Variants in DDX10 observed in about 807,000 individuals in gnomAD.
The protein encoded by DDX10 is DEAD-box helicase 10, also known as probable ATP-dependent RNA helicase DDX10.
In DDX10, 74 loss-of-function variants were observed where a neutral mutation model predicts 104.3. The ratio of observed to expected loss-of-function variants is 0.71; its 90% CI spans 0.59 to 0.86. The LOEUF (loss-of-function observed/expected upper bound fraction) is 0.86, where lower values mean the gene tolerates loss of function less well. DDX10 is among the 40% of genes least tolerant of loss of function. The pLI is 0.00. For synonymous variants in DDX10, 351 were observed against 353.4 expected (o/e 0.99, Z 0.08); for missense variants, 952 against 1,040.0 (o/e 0.92, Z 1.16).
chr11:108,725,127 A>G (rs1028235276), intron 13 of DDX10, among the ~76,000 whole-genome samples: 1 of 152,058 alleles, frequency 6.6e-6, no homozygotes, highest in African/African-American at 2.4e-5. Context: ...TCTTTCATTT[A>G]GCTTAACGTT....
chr11:108,861,131 C>T (rs1032570069), intron 16 of DDX10, among the ~76,000 whole-genome samples: 8 of 150,898 alleles, frequency 5.3e-5, no homozygotes. Context: ...GCAATCTAAT[C>T]AGCTGCCAGC....
intron 13 of DDX10, among the ~76,000 whole-genome samples, chr11:108,771,086 A>ATT (rs1005167078): frequency 2.0e-5 from 3 of 151,956 alleles, no homozygotes; most frequent in African/African-American, 7.3e-5. Context: ...TTTGATTTGT[A>ATT]TTTCTCTGAT....
chr11:108,756,408 C>T (rs1385345811), intron 13 of DDX10, among the ~76,000 whole-genome samples: 1 of 151,974 alleles, frequency 6.6e-6, no homozygotes, highest in Non-Finnish European at 1.5e-5. Flanking sequence ...TTATAGTTGC[C>T]TAGAGAATAA....
intron 13 of DDX10, among the ~76,000 whole-genome samples, chr11:108,802,916 A>G (rs1395607775): frequency 6.6e-6 from 1 of 152,088 alleles, no homozygotes; most frequent in African/African-American, 2.4e-5. Context: ...ACTCTTAAGA[A>G]CTATCAGTCC....
At chr11:108,768,867 C>T (rs1274288137) in intron 13 of DDX10, among the ~76,000 whole-genome samples, 1 of 151,590 alleles carries the variant, frequency 6.6e-6, no homozygotes, top group East Asian at 1.9e-4. Flanking sequence ...TTAAAAATAC[C>T]ATATTTTAGT....
chr11:108,816,089 C>T (rs956309215), intron 13 of DDX10, among the ~76,000 whole-genome samples: 15 of 151,988 alleles, frequency 9.9e-5, no homozygotes, highest in South Asian at 6.2e-4. Flanking sequence ...TAGCTTTTGG[C>T]ATGCCATACT....
At chr11:108,894,346 T>G (rs922041188) in intron 16 of DDX10, among the ~76,000 whole-genome samples, 5 of 152,034 alleles carry the variant, frequency 3.3e-5, no homozygotes, top group Admixed American at 6.6e-5. Flanking sequence ...ACTAAAACGT[T>G]CATCCTTTCT....
At chr11:108,720,116 C>T (rs1171176960) in intron 12 of DDX10, among the ~76,000 whole-genome samples, 4 of 152,184 alleles carry the variant, frequency 2.6e-5, no homozygotes. Flanking sequence ...TAGTTTAAGC[C>T]ACTCTGCCTT....
In DDX10 at chr11:108,834,927, C is replaced by CAAAA. The variant is rs56174572; in HGVS notation, c.1966-3500_1966-3497dup. Among the ~76,000 whole-genome samples, 609 of 61,892 alleles carry CAAAA rather than the reference C, an allele frequency of 9.8e-3. 42 individuals are homozygous for CAAAA. The highest frequency in any genetic ancestry group is 0.043 in the East Asian group (77 of 1,780). The allele number at this position is 61,892 out of a possible 152,430, so 40.6% of individuals were successfully genotyped here. A position where few individuals can be genotyped will look rare whatever the true frequency, so the allele number is the denominator to read the frequency against. On this transcript the variant is annotated intron_variant, in intron 13 of 17. Coordinates refer to ENST00000322536, the MANE Select transcript of DDX10 (RefSeq NM_004398.4). ...TGGGCGACTGAGCAAGACTCCATCT[C>CAAAA]AAAAAAAAAAAAAAAAAAAAAAGAA...
At position 108,835,782 on chromosome 11, in the gene DDX10, A is replaced by AT. The variant is rs1402627981; in HGVS notation, c.1966-2663dup. 2.0e-4 allele frequency among the ~76,000 whole-genome samples: 30 copies of AT among 150,528 alleles called. 1 individual carries two copies. The highest frequency in any genetic ancestry group is 1.1e-3 in the Admixed American group (17 of 15,104). ...ATTGGCACCCTGTGCAGATGAAGGG[A>AT]TAGTCCCTGCTTGGCCAATCCAGGG... On this transcript the variant is annotated intron_variant, in intron 13 of 17. Coordinates refer to ENST00000322536, the MANE Select transcript of DDX10 (RefSeq NM_004398.4).
chr11:108,740,036 A>G (rs1406277552), intron 13 of DDX10, among the ~76,000 whole-genome samples: 1 of 146,148 alleles, frequency 6.8e-6, no homozygotes, highest in Non-Finnish European at 1.5e-5. Flanking sequence ...TTTGTTATAT[A>G]GGTAAATTGC....
At chr11:108,730,943 TA>T (rs2094311365) in intron 13 of DDX10, among the ~76,000 whole-genome samples, 1 of 152,164 alleles carries the variant, frequency 6.6e-6, no homozygotes, top group African/African-American at 2.4e-5. Flanking sequence ...TTTTTGATGC[TA>T]AACAAGGAAT....
chr11:108,879,252 G>A (rs1047471285), intron 16 of DDX10, among the ~76,000 whole-genome samples: 6 of 151,960 alleles, frequency 3.9e-5, no homozygotes, highest in Non-Finnish European at 8.8e-5. Context: ...TGCCTGCCTC[G>A]GCCTCCCAAA....
At chr11:108,884,898 G>A (rs1863274756) in intron 16 of DDX10, among the ~76,000 whole-genome samples, 6 of 152,092 alleles carry the variant, frequency 3.9e-5, no homozygotes. Flanking sequence ...ACACACGAAT[G>A]TTTTGATAAG....
intron 13 of DDX10, among the ~76,000 whole-genome samples, chr11:108,825,299 CTG>C (rs1862380998): frequency 2.0e-5 from 3 of 152,044 alleles, no homozygotes; most frequent in African/African-American, 4.8e-5. Flanking sequence ...GGAATAGAAA[CTG>C]TGTAGGGGAT....
chr11:108,789,034 A>T (rs1565278854), intron 13 of DDX10, among the ~76,000 whole-genome samples: 1 of 152,102 alleles, frequency 6.6e-6, no homozygotes, highest in African/African-American at 2.4e-5. Context: ...AGTGAGACAC[A>T]CCCCACTCCC....
chr11:108,906,562 C>T (rs1294423302), intron 16 of DDX10, among the ~76,000 whole-genome samples: 2 of 152,200 alleles, frequency 1.3e-5, no homozygotes, highest in Non-Finnish European at 2.9e-5. Flanking sequence ...GGACACACAA[C>T]TAGCCATTAG....
chr11:108,796,184 G>A (rs1311510297), intron 13 of DDX10, among the ~76,000 whole-genome samples: 1 of 152,168 alleles, frequency 6.6e-6, no homozygotes, highest in Non-Finnish European at 1.5e-5. Context: ...TCTCACACTT[G>A]TGATATTGCT....
chr11:108,863,748 G>A (rs1282494725), intron 16 of DDX10, among the ~76,000 whole-genome samples: 1 of 152,070 alleles, frequency 6.6e-6, no homozygotes, highest in African/African-American at 2.4e-5. Flanking sequence ...TTTGTGGTTG[G>A]TACTTTGAGG....
Sources: allele counts gnomAD v4.1 joint callset (sites outside exome capture counted in the v4.1 genomes callset), GRCh38; gene constraint gnomAD v4.1.1; transcripts MANE v1.5; gene names NCBI Gene and HGNC (gene_info 2026-07-23, HGNC 2026-07-21).